The following PLSCR2 variants were observed in gnomAD, a reference collection of about 807,000 sequenced individuals.
PLSCR2 encodes phospholipid scramblase 2.
Under a neutral mutation model 25.3 loss-of-function variants are expected in PLSCR2, and 18 were observed. The ratio of observed to expected loss-of-function variants is 0.71; its 90% CI spans 0.49 to 1.06. The LOEUF (loss-of-function observed/expected upper bound fraction) is 1.06. PLSCR2 is among the 50% of genes least tolerant of loss of function. The probability of loss-of-function intolerance (pLI) is 0.00; values close to 1 mark genes in which losing one functional copy is unlikely to be tolerated. For missense variants in PLSCR2, 243 were observed against 269.5 expected (o/e 0.90, Z 0.69); for synonymous variants, 88 against 87.3 (o/e 1.01, Z -0.04).
chr3:146,494,372 A>G (rs1303914677), intron 1 of PLSCR2, among the ~76,000 whole-genome samples: 1 of 152,134 alleles, frequency 6.6e-6, no homozygotes, highest in African/African-American at 2.4e-5. Flanking sequence ...ATATGTATGT[A>G]TTTATTAATT....
At chr3:146,471,005 C>T (rs1486470374) in intron 1 of PLSCR2, among the ~76,000 whole-genome samples, 2 of 151,514 alleles carry the variant, frequency 1.3e-5, no homozygotes, top group Non-Finnish European at 2.9e-5. Flanking sequence ...TATATACATA[C>T]AAATAAGTAT....
At chr3:146,422,888 TATA>T (rs1390752160) in intron 2 of PLSCR2, among the ~76,000 whole-genome samples, 1 of 151,988 alleles carries the variant, frequency 6.6e-6, no homozygotes, top group Non-Finnish European at 1.5e-5. Flanking sequence ...GTAAACCTGG[TATA>T]ATAATAGGTT....
At chr3:146,413,942 C>T (rs78558614) in intron 2 of PLSCR2, among the ~76,000 whole-genome samples, 2,397 of 152,218 alleles carry the variant, frequency 0.016, 46 homozygotes, top group African/African-American at 0.045. Flanking sequence ...ATACCACAGA[C>T]TGGGTAATAT....
intron 6 of PLSCR2, among the ~76,000 whole-genome samples, chr3:146,448,115 C>CT (rs921160565): frequency 6.6e-6 from 1 of 152,074 alleles, no homozygotes; most frequent in Non-Finnish European, 1.5e-5. Context: ...CTCAGTGCCT[C>CT]TTTTTTTAAT....
intron 2 of PLSCR2, among the ~76,000 whole-genome samples, chr3:146,414,249 A>T (rs1438789771): frequency 6.6e-6 from 1 of 152,218 alleles, no homozygotes; most frequent in Non-Finnish European, 1.5e-5. Flanking sequence ...ACACCATCGC[A>T]CTGATGATTA....
chr3:146,392,342 T>C (rs1021526921), intron 3 of PLSCR2, among the ~76,000 whole-genome samples: 3 of 152,090 alleles, frequency 2.0e-5, no homozygotes, highest in Admixed American at 6.5e-5. Flanking sequence ...TTCATCAGCA[T>C]TGAGCATACA....
chr3:146,422,476 C>A (rs775365689), intron 2 of PLSCR2, among the ~76,000 whole-genome samples: 5 of 152,072 alleles, frequency 3.3e-5, no homozygotes, highest in African/African-American at 4.8e-5. Context: ...GGACAGCAAC[C>A]TAATTGAAGA....
intron 1 of PLSCR2, among the ~76,000 whole-genome samples, chr3:146,476,105 C>T (rs1246970375): frequency 6.6e-6 from 1 of 151,890 alleles, no homozygotes; most frequent in Non-Finnish European, 1.5e-5. Flanking sequence ...GTGCACTGGG[C>T]CAAGAAGGCT....
chr3:146,483,679 G>A (rs571729130), intron 1 of PLSCR2, among the ~76,000 whole-genome samples: 3 of 150,924 alleles, frequency 2.0e-5, no homozygotes, highest in Admixed American at 1.3e-4. Flanking sequence ...GCAAACTTCA[G>A]CAGCCCTAGA....
rs150523355 is a variant in PLSCR2 at position 146,425,352 on chromosome 3, AACT to A, written c.101-29434_101-29432del. On this transcript the variant is annotated intron_variant and NMD_transcript_variant, in intron 2 of 3. Transcript: ENST00000463633. ...CTTCTGGAAGAAGATGCCCAAAAGA[AACT>A]ACATTCATAAAAGTGCAAAAAAGGT... Among the ~76,000 whole-genome samples, 865 of 152,282 alleles carry A rather than the reference AACT, an allele frequency of 5.7e-3. 9 individuals are homozygous for A. The highest frequency in any genetic ancestry group is 0.02 in the African/African-American group (824 of 41,556).
At chr3:146,462,350 C>T (rs942581399), upstream of PLSCR2, among the ~76,000 whole-genome samples, 10 of 152,028 alleles carry the variant, frequency 6.6e-5, no homozygotes, top group African/African-American at 2.4e-4. Flanking sequence ...TCTCGCCCTC[C>T]CAAAGTCTTG....
chr3:146,452,044 T>C (rs2040929085), intron 5 of PLSCR2, among the ~76,000 whole-genome samples: 1 of 152,222 alleles, frequency 6.6e-6, no homozygotes, highest in African/African-American at 2.4e-5. Context: ...AATCCTGCTT[T>C]ATAGCTAGTT....
intron 1 of PLSCR2, among the ~76,000 whole-genome samples, chr3:146,480,292 C>T (rs900551091): frequency 6.6e-6 from 1 of 152,072 alleles, no homozygotes; most frequent in East Asian, 1.9e-4. Flanking sequence ...ATCAATGAAT[C>T]CAGGATCTGG....
At chr3:146,487,000 G>C (rs529605) in intron 1 of PLSCR2, among the ~76,000 whole-genome samples, 49,088 of 151,940 alleles carry the variant, frequency 0.32, 7,972 homozygotes, top group South Asian at 0.41. Flanking sequence ...GGGATGCAAG[G>C]CTGGTTCAAC....
chr3:146,448,782 A>G (rs1345422272), intron 6 of PLSCR2, among the ~76,000 whole-genome samples: 4 of 152,120 alleles, frequency 2.6e-5, no homozygotes, highest in African/African-American at 9.7e-5. Flanking sequence ...TTAGCTCTAG[A>G]GGCTTGATTG....
intron 1 of PLSCR2, among the ~76,000 whole-genome samples, chr3:146,481,321 T>A (rs907217654): frequency 6.6e-6 from 1 of 152,214 alleles, no homozygotes; most frequent in African/African-American, 2.4e-5. Flanking sequence ...CATGATTGTA[T>A]ATTTGGAAAA....
At chr3:146,468,214 TC>T (rs1446235711) in intron 1 of PLSCR2, among the ~76,000 whole-genome samples, 2 of 152,222 alleles carry the variant, frequency 1.3e-5, no homozygotes, top group African/African-American at 4.8e-5. Context: ...CCACTCATTT[TC>T]CTTTGTATGT....
chr3:146,439,462 C>CT (rs2040100241), downstream of PLSCR2, among the ~76,000 whole-genome samples: 1 of 152,130 alleles, frequency 6.6e-6, no homozygotes, highest in Non-Finnish European at 1.5e-5. Flanking sequence ...TTCTTGGAGG[C>CT]TTTTTTCATT....
In PLSCR2 at chr3:146,469,969, C is replaced by T. The variant is rs2042053507; in HGVS notation, c.-292-9685G>A. On this transcript the variant is annotated intron_variant, in intron 1 of 8. Coordinates refer to the PLSCR2 transcript ENST00000336685. ...ATCATCAGGCGGGGAGTGGCCTACC[C>T]CGGGAACTTCCTTAACTCTGCTCTT... 2.0e-5 allele frequency among the ~76,000 whole-genome samples: 3 copies of T among 152,240 alleles called. No individual in the cohort carries two copies. In the South Asian group the frequency reaches 6.2e-4, roughly 32 times the overall value.
Sources: gnomAD v4.1 joint callset for allele counts (sites outside exome capture counted in the v4.1 genomes callset) on GRCh38, gnomAD v4.1.1 for gene constraint, MANE v1.5 for transcripts, NCBI Gene and HGNC (gene_info 2026-07-23, HGNC 2026-07-21) for gene names.